The following S100PBP variants were observed in gnomAD, a reference collection of about 807,000 sequenced individuals.
S100PBP encodes S100P binding protein.
In S100PBP, 15 loss-of-function variants were observed where a neutral mutation model predicts 39.9. The observed-to-expected ratio is 0.38, with a 90% CI of 0.25 to 0.58. The LOEUF (loss-of-function observed/expected upper bound fraction) is 0.58. Ranked by LOEUF, S100PBP falls within the 20% of genes least tolerant of loss-of-function variation. The pLI is 0.70. For synonymous variants in S100PBP, 178 were observed against 180.3 expected (o/e 0.99, Z 0.10); for missense variants, 504 against 487.3 (o/e 1.03, Z -0.32).
chr1:32,835,902 G>A (rs981251485), intron 5 of S100PBP: 6 of 151,910 alleles, frequency 3.9e-5, no homozygotes, highest in Admixed American at 1.3e-4. Flanking sequence ...TGGCTATTGT[G>A]AATTGTGCCA....
intron 5 of S100PBP, among the ~76,000 whole-genome samples, chr1:32,848,245 T>G (rs1262710210): frequency 6.6e-6 from 1 of 152,064 alleles, no homozygotes; most frequent in Non-Finnish European, 1.5e-5. Context: ...AGGCAGAGTT[T>G]GCAGTGAGCC....
upstream of S100PBP, chr1:32,816,703 G>T (rs76213478): frequency 7.0e-4 from 116 of 165,628 alleles, no homozygotes; most frequent in African/African-American, 2.6e-3. Flanking sequence ...GTGGAGTGAG[G>T]GGGGGGGATC....
At chr1:32,852,760 A>G (rs1340460040) in intron 5 of S100PBP, 2 of 232,680 alleles carry the variant, frequency 8.6e-6, no homozygotes, top group Non-Finnish European at 1.7e-5. Flanking sequence ...CTTTGGAATC[A>G]TCTGTCTCCT....
rs1467655562 is a variant in S100PBP at position 32,827,850 on chromosome 1, A to G, written c.832-143A>G. 4 of 397,220 alleles carry G rather than the reference A, an allele frequency of 1.0e-5. 1 individual carries two copies. Among genetic ancestry groups the G allele is most frequent in the African/African-American group, 2.2e-5 (1 of 45,698 alleles). 24.6% of individuals were successfully genotyped at this position (397,220 alleles called of 1,614,324 possible). On this transcript the variant is annotated intron_variant, in intron 3 of 6. Transcript: ENST00000373475. ...TTACAGTTATCTCATTTGAAGCACTACTGTTATACGTGGTACACAGTAGTG... is the reference window on the plus strand; with the variant it reads ...TTACAGTTATCTCATTTGAAGCACTGCTGTTATACGTGGTACACAGTAGTG...
At chr1:32,829,353 C>T (rs533999800) in intron 4 of S100PBP, among the ~76,000 whole-genome samples, 21 of 152,332 alleles carry the variant, frequency 1.4e-4, no homozygotes, top group African/African-American at 5.1e-4. Context: ...TATTTTCTGA[C>T]TAACCTTGAA....
upstream of S100PBP, chr1:32,817,089 C>T: frequency 6.7e-7 from 1 of 1,483,268 alleles, no homozygotes; most frequent in Non-Finnish European, 9.4e-7. Flanking sequence ...AGCGCCGAGT[C>T]CCCGGCCCCA....
intron 5 of S100PBP, among the ~76,000 whole-genome samples, chr1:32,830,932 T>C (rs1639569276): frequency 6.6e-6 from 1 of 152,034 alleles, no homozygotes; most frequent in Admixed American, 6.6e-5. Context: ...AAAAAAAAAT[T>C]AGCCAGGCGT....
chr1:32,830,270 A>T (rs1188527252), intron 5 of S100PBP, among the ~76,000 whole-genome samples: 1 of 152,176 alleles, frequency 6.6e-6, no homozygotes, highest in Admixed American at 6.5e-5. Context: ...TTAGAGAGGG[A>T]TCTAAGCACG....
chr1:32,853,268 G>GAGGTCAGGAGT, intron 6 of S100PBP, 102 bp downstream of exon 6: 1 of 27,016 alleles, frequency 3.7e-5, no homozygotes, highest in South Asian at 2.3e-4. Flanking sequence ...TGGGTGGGTC[G>GAGGTCAGGAGT]TTTGAGACCA....
intron 1 of S100PBP, among the ~76,000 whole-genome samples, chr1:32,821,365 A>G (rs1639051541): frequency 6.6e-6 from 1 of 152,138 alleles, no homozygotes; most frequent in South Asian, 2.1e-4. Context: ...TCTGTCACCC[A>G]GGCTGGAGTG....
At chr1:32,825,703 AG>A (rs1363066958) in intron 2 of S100PBP, among the ~76,000 whole-genome samples, 1 of 152,210 alleles carries the variant, frequency 6.6e-6, no homozygotes, top group African/African-American at 2.4e-5. Flanking sequence ...GGTTGCCTCC[AG>A]GATTTGGCTA....
chr1:32,844,795 A>G (rs185289774), intron 5 of S100PBP, among the ~76,000 whole-genome samples: 19 of 151,604 alleles, frequency 1.3e-4, no homozygotes, highest in African/African-American at 4.4e-4. Context: ...CTCTGTATAG[A>G]TCTATAGAGA....
chr1:32,848,104 C>T (rs898237139), intron 5 of S100PBP, among the ~76,000 whole-genome samples: 8 of 152,136 alleles, frequency 5.3e-5, no homozygotes, highest in Admixed American at 4.6e-4. Flanking sequence ...GTCAGGAGTT[C>T]GAGACCAGCC....
chr1:32,831,700 C>T (rs1056226989), intron 5 of S100PBP, among the ~76,000 whole-genome samples: 1 of 151,972 alleles, frequency 6.6e-6, no homozygotes, highest in Non-Finnish European at 1.5e-5. Context: ...GAAACCTCTC[C>T]TCTCCACCTC....
At chr1:32,823,523 ATTGTG>A (rs1639181235) in intron 1 of S100PBP, among the ~76,000 whole-genome samples, 1 of 152,200 alleles carries the variant, frequency 6.6e-6, no homozygotes, top group South Asian at 2.1e-4. Flanking sequence ...ATTTTACAGA[ATTGTG>A]TTGAGAGGCT....
intron 5 of S100PBP, chr1:32,847,616 C>T (rs1315118850): frequency 1.3e-5 from 2 of 152,180 alleles, no homozygotes; most frequent in African/African-American, 2.4e-5. Flanking sequence ...TGTATCACTT[C>T]ATAAGTGAAT....
Position 32,857,124 on chromosome 1 carries a change from T to A in S100PBP, c.*1086T>A, listed in dbSNP as rs541850022. On this transcript the variant is annotated 3_prime_UTR_variant, in exon 7 of 7. Transcript: ENST00000373475. ...CATATTAGTTAACAAGAGGTGTCTT[T>A]AGGCCCTGGATGTTACCATCTCATT... The A allele has an allele frequency of 6.6e-6, 1 of 152,310 alleles. No homozygotes were observed. Among genetic ancestry groups the A allele is most frequent in the South Asian group, 2.1e-4 (1 of 4,830 alleles). The allele number at this position is 152,310 out of a possible 1,614,324, so 9.4% of individuals were successfully genotyped here. A position where few individuals can be genotyped will look rare whatever the true frequency, so the allele number is the denominator to read the frequency against.
chr1:32,826,912 T>G lies in S100PBP; in HGVS notation c.813T>G (p.Val271=). The G allele has an allele frequency of 7.0e-6, 11 of 1,582,036 alleles. No individual in the cohort carries two copies. The highest frequency in any genetic ancestry group is 9.4e-6 in the Non-Finnish European group (11 of 1,166,568). Reference sequence around the variant, plus strand: ...GTTGTGAAATGAGATCTCTGGTTGTTTCCACCTCATCAAACAAAGTAAGTA... The same window carrying G: ...GTTGTGAAATGAGATCTCTGGTTGTGTCCACCTCATCAAACAAAGTAAGTA... The part of the protein sequence containing the change: ...KSSCEMRSLV[V]STSSNKQDVL... The change falls in exon 3 of 7, where the codon GTT becomes GTG. Residue 271 remains valine (V), a synonymous_variant. Coordinates refer to ENST00000373475, the MANE Select transcript of S100PBP (RefSeq NM_022753.4).
chr1:32,846,435 C>A (rs1226287209), intron 5 of S100PBP, among the ~76,000 whole-genome samples: 1 of 151,808 alleles, frequency 6.6e-6, no homozygotes, highest in Non-Finnish European at 1.5e-5. Flanking sequence ...TGTACAATCC[C>A]ATATGGCTGG....
Sources: gnomAD v4.1 joint callset for allele counts (sites outside exome capture counted in the v4.1 genomes callset) on GRCh38, gnomAD v4.1.1 for gene constraint, MANE v1.5 for transcripts, NCBI Gene and HGNC (gene_info 2026-07-23, HGNC 2026-07-21) for gene names.